AFAP1L1: variants seen among roughly 807,000 people sequenced by gnomAD.
AFAP1L1 encodes actin filament associated protein 1 like 1.
Under a neutral mutation model 99.8 loss-of-function variants are expected in AFAP1L1, and 77 were observed. The ratio of observed to expected loss-of-function variants is 0.77; its 90% CI spans 0.64 to 0.93. AFAP1L1 has a LOEUF of 0.93. AFAP1L1 is among the 40% of genes least tolerant of loss of function. The probability of loss-of-function intolerance (pLI) is 0.00; values close to 1 mark genes in which losing one functional copy is unlikely to be tolerated. For synonymous variants in AFAP1L1, 373 were observed against 395.3 expected (o/e 0.94, Z 0.67); for missense variants, 893 against 996.8 (o/e 0.90, Z 1.40).
rs1283172043 is a variant in AFAP1L1 at position 149,299,645 on chromosome 5, G to T, written c.145+8G>T. 6.2e-7 allele frequency: 1 copy of T among 1,613,982 alleles called. No homozygotes were observed. Among genetic ancestry groups the T allele is most frequent in the Non-Finnish European group, 8.5e-7 (1 of 1,179,936 alleles). On this transcript the variant is annotated splice_region_variant and intron_variant, in intron 2 of 18. Coordinates refer to ENST00000296721, the MANE Select transcript of AFAP1L1 (RefSeq NM_152406.4). ...GCCTGCAGCCCCTTCCAGGTTAGCC[G>T]CCAGCAGCCTGCCTGGAGGAGCTCC... is the stretch of plus-strand genomic sequence containing the variant.
intron 1 of AFAP1L1, among the ~76,000 whole-genome samples, chr5:149,273,937 C>A (rs769505467): frequency 6.6e-6 from 1 of 152,064 alleles, no homozygotes. Context: ...GACAATAGTT[C>A]ACTTCACTTT....
At chr5:149,312,084 C>A (rs142577612) in intron 8 of AFAP1L1, 28 bp from the exon 9 acceptor site, 2 of 1,601,998 alleles carry the variant, frequency 1.2e-6, no homozygotes, top group Non-Finnish European at 1.7e-6. Context: ...CCTGCCCACC[C>A]GTTCACAGCT....
At chr5:149,274,933 T>C (rs1347403064) in intron 1 of AFAP1L1, among the ~76,000 whole-genome samples, 3 of 151,736 alleles carry the variant, frequency 2.0e-5, no homozygotes, top group Non-Finnish European at 4.4e-5. Context: ...TGTACCCCTG[T>C]TCCCAGGCAG....
chr5:149,302,424 G>A lies in AFAP1L1; in HGVS notation c.334G>A (p.Asp112Asn), dbSNP rs1164873346. 1.0e-5 allele frequency: 16 copies of A among 1,582,330 alleles called. No individual in the cohort carries two copies. In the East Asian group the frequency reaches 1.1e-4, roughly 11 times the overall value. ...CTTTTTTGTCCCCTTGCAGGCGGCC[G>A]ACCTGCCTCCACCGCTCCCCAACAA... ...AKSPRLRNAA[D>N]LPPPLPNKPP... Residue 112 changes from aspartate to asparagine, a missense_variant, in exon 5 of 19, where the codon GAC becomes AAC. Transcript: ENST00000296721.
intron 12 of AFAP1L1, 85 bp downstream of exon 12, chr5:149,318,025 C>T: frequency 7.0e-7 from 1 of 1,437,928 alleles, no homozygotes; most frequent in East Asian, 2.5e-5. Context: ...GGAGCCCTTG[C>T]TACTGACACC....
intron 15 of AFAP1L1, among the ~76,000 whole-genome samples, chr5:149,327,213 G>A (rs1317703725): frequency 7.3e-6 from 1 of 137,244 alleles, no homozygotes; most frequent in African/African-American, 2.8e-5. Context: ...AGAAATAAAG[G>A]AACAGAAGAT....
At chr5:149,316,112 CAG>C (rs1461681128) in intron 10 of AFAP1L1, 37 bp from the exon 11 acceptor site, 7 of 1,600,038 alleles carry the variant, frequency 4.4e-6, no homozygotes, top group South Asian at 1.1e-5. Context: ...GGGTGGGACT[CAG>C]GGCTCCCTCC....
intron 1 of AFAP1L1, among the ~76,000 whole-genome samples, chr5:149,281,932 G>T (rs1161031858): frequency 6.6e-6 from 1 of 152,174 alleles, no homozygotes; most frequent in Non-Finnish European, 1.5e-5. Flanking sequence ...CCTGCATGAG[G>T]TTTTATTTCT....
intron 16 of AFAP1L1, among the ~76,000 whole-genome samples, chr5:149,332,066 A>G (rs2127604097): frequency 6.6e-6 from 1 of 152,320 alleles, no homozygotes; most frequent in African/African-American, 2.4e-5. Flanking sequence ...AAACCCTGGA[A>G]CTAGAAGTAG....
chr5:149,340,574 T>G lies in AFAP1L1; in HGVS notation c.*544T>G, dbSNP rs534742251. ...ATAACATTATCCCTGCCTGCATACA[T>G]GTGAACAAAAGCTATAGAGGACATG... On this transcript the variant is annotated 3_prime_UTR_variant, in exon 19 of 19. Transcript: ENST00000296721. 3 of 153,496 alleles carry G rather than the reference T, an allele frequency of 2.0e-5. No homozygotes were observed. The highest frequency in any genetic ancestry group is 2.9e-5 in the Non-Finnish European group (2 of 68,572). 9.5% of individuals were successfully genotyped at this position (153,496 alleles called of 1,614,324 possible).
chr5:149,333,573 G>T (rs1757319100), intron 17 of AFAP1L1, among the ~76,000 whole-genome samples: 2 of 148,326 alleles, frequency 1.3e-5, no homozygotes. Context: ...CTCTCAGAGA[G>T]AACTTCTCTG....
At chr5:149,321,081 G>A (rs1319391632) in intron 14 of AFAP1L1, among the ~76,000 whole-genome samples, 4 of 152,234 alleles carry the variant, frequency 2.6e-5, no homozygotes, top group Non-Finnish European at 5.9e-5. Context: ...GTTAGCAGGA[G>A]AGAGAGGCAA....
chr5:149,306,452 G>T, intron 6 of AFAP1L1, 48 bp downstream of exon 6: 3 of 1,521,190 alleles, frequency 2.0e-6, no homozygotes, highest in Non-Finnish European at 2.7e-6. Flanking sequence ...TTCTGCCCTT[G>T]CAAAGAGCAG....
At chr5:149,281,105 A>G (rs965226781) in intron 1 of AFAP1L1, among the ~76,000 whole-genome samples, 2 of 152,180 alleles carry the variant, frequency 1.3e-5, no homozygotes, top group East Asian at 3.8e-4. Flanking sequence ...ACCCCTGCCC[A>G]TGTGATCATA....
chr5:149,313,985 C>A (rs1468256629), intron 9 of AFAP1L1, among the ~76,000 whole-genome samples: 2 of 152,182 alleles, frequency 1.3e-5, no homozygotes, highest in African/African-American at 4.8e-5. Context: ...ATTAGAGTAT[C>A]CCAGAAAGCT....
chr5:149,304,944 G>C (rs1441111665), intron 5 of AFAP1L1, among the ~76,000 whole-genome samples: 1 of 83,692 alleles, frequency 1.2e-5, no homozygotes, highest in Non-Finnish European at 2.3e-5. Context: ...GTTGGACTGG[G>C]TGAAGGAAGG....
At chr5:149,335,110 T>C (rs1203038902) in intron 17 of AFAP1L1, among the ~76,000 whole-genome samples, 1 of 152,256 alleles carries the variant, frequency 6.6e-6, no homozygotes, top group African/African-American at 2.4e-5. Context: ...ATTTTAGTTG[T>C]CATTATCGTT....
At chr5:149,273,198 G>A (rs2127585956) in intron 1 of AFAP1L1, among the ~76,000 whole-genome samples, 1 of 149,664 alleles carries the variant, frequency 6.7e-6, no homozygotes, top group Admixed American at 6.7e-5. Context: ...ACTAGTGAGT[G>A]CTGTGCCAAC....
At chr5:149,313,496 A>T (rs1756702488) in intron 9 of AFAP1L1, among the ~76,000 whole-genome samples, 1 of 152,206 alleles carries the variant, frequency 6.6e-6, no homozygotes. Context: ...TCACATAGTA[A>T]ATAAGAACCG....
Sources: gnomAD v4.1 joint callset for allele counts (sites outside exome capture counted in the v4.1 genomes callset) on GRCh38, gnomAD v4.1.1 for gene constraint, MANE v1.5 for transcripts, NCBI Gene and HGNC (gene_info 2026-07-23, HGNC 2026-07-21) for gene names.